Variants in ATAT1 observed in about 807,000 individuals in gnomAD.
ATAT1 encodes the protein alpha-tubulin N-acetyltransferase 1.
A neutral mutation model predicts 57.2 loss-of-function variants in ATAT1; 42 were observed. The observed-to-expected ratio is 0.73, with a 90% CI of 0.57 to 0.95. ATAT1 has a LOEUF of 0.95. ATAT1 is among the 40% of genes least tolerant of loss of function. The probability of loss-of-function intolerance (pLI) is 0.00; values close to 1 mark genes in which losing one functional copy is unlikely to be tolerated. For missense variants in ATAT1, 454 were observed against 523.7 expected (o/e 0.87, Z 1.30); for synonymous variants, 168 against 187.1 (o/e 0.90, Z 0.83).
At chr6:30,644,494 A>C in intron 10 of ATAT1, 1 of 984,500 alleles carries the variant, frequency 1.0e-6, no homozygotes, top group Non-Finnish European at 1.2e-6. Context: ...TCCCCTCCCT[A>C]CCCTCTGAAT....
rs774412226 is a variant in ATAT1, at chr6:30,628,069, G to T, written c.323G>T (p.Cys108Phe). 1 of 1,613,036 alleles carries T rather than the reference G, an allele frequency of 6.2e-7. No individual in the cohort carries two copies. The highest frequency in any genetic ancestry group is 1.1e-5 in the South Asian group (1 of 91,082). Reference sequence around the variant, plus strand: ...GCTCATAATGAGGTAGAACCACTTTGCATCCTGGACTTTTACATCCATGAG... The same window carrying T: ...GCTCATAATGAGGTAGAACCACTTTTCATCCTGGACTTTTACATCCATGAG... Residue 108 changes from cysteine to phenylalanine, a missense_variant, in exon 5 of 13, where the codon TGC (cysteine) becomes TTC (phenylalanine). Cys to Phe is a radical substitution (Grantham distance 205). This residue lies in a region of ATAT1 where 236 missense variants were observed against 284.5 expected (regional missense o/e 0.83). Transcript: ENST00000330083.
rs1766785763 is a variant in ATAT1, at chr6:30,646,625, C to T, written c.1212C>T (p.Arg404=). 1 of 1,566,760 alleles carries T rather than the reference C, an allele frequency of 6.4e-7. No individual in the cohort carries two copies. The highest frequency in any genetic ancestry group is 1.4e-5 in the African/African-American group (1 of 73,676). ...TCATTCGAAACCTGCAGGAACGTCGCAGCACCAGGCCTTGGTGACCGCAGC... is the reference window on the plus strand; with the variant it reads ...TCATTCGAAACCTGCAGGAACGTCGTAGCACCAGGCCTTGGTGACCGCAGC... The change falls in exon 13 of 13, where the codon CGC becomes CGT. Residue 404 remains arginine, a synonymous_variant. Coordinates refer to ENST00000330083, the MANE Select transcript of ATAT1 (RefSeq NM_001031722.4).
chr6:30,628,524 A>G lies in ATAT1; in HGVS notation c.501+94A>G, dbSNP rs540016617. On this transcript the variant is annotated intron_variant, in intron 6 of 12. Transcript: ENST00000330083. ...GAAGTAGTGACTTATTTCCTATCAC[A>G]TAGGTTTCATTTTCTACAACCAGGC... is the stretch of plus-strand genomic sequence containing the variant. 3.3e-4 allele frequency: 336 copies of G among 1,010,680 alleles called. 1 individual carries two copies. The highest frequency in any genetic ancestry group is 4.7e-4 in the Non-Finnish European group (314 of 675,166). The allele number at this position is 1,010,680 out of a possible 1,614,324, so 62.6% of individuals were successfully genotyped here. A position where few individuals can be genotyped will look rare whatever the true frequency, so the allele number is the denominator to read the frequency against.
intron 1 of ATAT1, 25 bp from the exon 2 acceptor site, chr6:30,627,435 C>T: frequency 6.2e-7 from 1 of 1,609,730 alleles, no homozygotes; most frequent in Non-Finnish European, 8.5e-7. Flanking sequence ...GAGTATCTGA[C>T]TCTTTATTTC....
chr6:30,639,066 C>T (rs529127230), intron 6 of ATAT1, among the ~76,000 whole-genome samples: 150 of 150,388 alleles, frequency 1.0e-3, no homozygotes, highest in East Asian at 3.2e-3. Flanking sequence ...CTGCAACCTC[C>T]GCCTCCTGGG....
intron 6 of ATAT1, among the ~76,000 whole-genome samples, chr6:30,638,550 G>A (rs966172335): frequency 7.3e-5 from 11 of 150,546 alleles, no homozygotes; most frequent in African/African-American, 2.7e-4. Flanking sequence ...GATTACAGGC[G>A]TGATCCACCA....
chr6:30,632,789 T>C (rs544068277), intron 6 of ATAT1, among the ~76,000 whole-genome samples: 4 of 151,452 alleles, frequency 2.6e-5, no homozygotes, highest in Non-Finnish European at 5.9e-5. Context: ...AAAAAAAAAT[T>C]AGCCAGGTGT....
chr6:30,629,904 T>C (rs758301602), intron 6 of ATAT1, among the ~76,000 whole-genome samples: 3 of 152,332 alleles, frequency 2.0e-5, no homozygotes, highest in Middle Eastern at 3.4e-3. Flanking sequence ...TGTTTTCACA[T>C]AGTTCATTAC....
chr6:30,631,623 A>C (rs1272494043), intron 6 of ATAT1, among the ~76,000 whole-genome samples: 1 of 151,396 alleles, frequency 6.6e-6, no homozygotes, highest in Non-Finnish European at 1.5e-5. Flanking sequence ...TACAAAAAAC[A>C]CAAAAATTAG....
rs374525292 is a variant in ATAT1, at chr6:30,642,252, G to C, written c.688+5G>C. On this transcript the variant is annotated splice_donor_5th_base_variant and intron_variant, in intron 9 of 12. Transcript: ENST00000330083. ...ACTCCTCTAGTGACCGAGAATGTAA[G>C]AGGGGCAAGGGTCGGGTGTCTGGGC... 2 of 1,614,044 alleles carry C rather than the reference G, an allele frequency of 1.2e-6. No individual in the cohort carries two copies. Among genetic ancestry groups the C allele is most frequent in the African/African-American group, 2.7e-5 (2 of 74,906 alleles).
chr6:30,641,106 T>TACACACACACACACACACAC (rs1262818896), intron 8 of ATAT1, among the ~76,000 whole-genome samples: 132 of 140,904 alleles, frequency 9.4e-4, no homozygotes, highest in East Asian at 2.7e-3. Context: ...CCCCATCCCA[T>TACACACACACACACACACAC]ATACACACAT....
At chr6:30,646,313 TGA>T (rs1766723728) in intron 12 of ATAT1, 154 bp from the exon 13 acceptor site, 1 of 1,448,280 alleles carries the variant, frequency 6.9e-7, no homozygotes, top group Non-Finnish European at 9.1e-7. Context: ...ACGGATTCTC[TGA>T]GAGGTTTTAA....
chr6:30,642,855 GCA>G lies in ATAT1; in HGVS notation c.777_778del (p.Ser259ArgfsTer40). On this transcript the variant is annotated frameshift_variant, in exon 10 of 13. Coordinates refer to ENST00000330083, the MANE Select transcript of ATAT1 (RefSeq NM_001031722.4). LOFTEE classifies it high-confidence loss of function. ...CCAGCCCACCCACCCCCCCGCTCCA[GCA>G]GCCTGGGAAACTCACCAGAACGAGG... The G allele has an allele frequency of 3.8e-6, 1 of 259,930 alleles. No homozygotes were observed. The highest frequency in any genetic ancestry group is 5.8e-6 in the Non-Finnish European group (1 of 173,650). The allele number at this position is 259,930 out of a possible 1,614,324, so 16.1% of individuals were successfully genotyped here.
Position 30,640,599 on chromosome 6 carries a change from C to T in ATAT1, c.612C>T (p.Pro204=), listed in dbSNP as rs376290114. Residue 204 remains proline (P), a synonymous_variant, in exon 8 of 13, where the codon CCC becomes CCT. Coordinates refer to ENST00000330083, the MANE Select transcript of ATAT1 (RefSeq NM_001031722.4). ...GTGCTGCTGCAGTCGATCCCACGCCCGCTGGTAAAGCCTGTATTGAAGGGG... is the reference window on the plus strand; with the variant it reads ...GTGCTGCTGCAGTCGATCCCACGCCTGCTGGTAAAGCCTGTATTGAAGGGG... The T allele has an allele frequency of 1.9e-5, 31 of 1,612,732 alleles. No homozygotes were observed. Among genetic ancestry groups the T allele is most frequent in the East Asian group, 4.5e-5 (2 of 44,884 alleles).
At chr6:30,643,753 T>G (rs1766048850) in intron 10 of ATAT1, 6 of 1,364,078 alleles carry the variant, frequency 4.4e-6, no homozygotes, top group Non-Finnish European at 5.7e-6. Flanking sequence ...TTGTAGCTTT[T>G]CTTAACACAA....
intron 6 of ATAT1, among the ~76,000 whole-genome samples, chr6:30,632,847 G>T (rs1231185197): frequency 6.6e-6 from 1 of 151,582 alleles, no homozygotes; most frequent in Non-Finnish European, 1.5e-5. Context: ...TGAGGCAGGG[G>T]AATTGCTTGA....
intron 6 of ATAT1, among the ~76,000 whole-genome samples, chr6:30,639,999 G>C (rs1765068189): frequency 6.6e-6 from 1 of 152,046 alleles, no homozygotes; most frequent in South Asian, 2.1e-4. Context: ...TTAGTAGCCA[G>C]ATGTGGTGGC....
intron 10 of ATAT1, chr6:30,643,869 G>A: frequency 2.8e-5 from 35 of 1,271,530 alleles, no homozygotes; most frequent in Non-Finnish European, 3.5e-5. Context: ...ATCTAGAGAA[G>A]CACACTCTTG....
chr6:30,646,661 A>G lies in ATAT1; in HGVS notation c.*18A>G. On this transcript the variant is annotated 3_prime_UTR_variant, in exon 13 of 13. Transcript: ENST00000330083. ...CTTGGTGACCGCAGCCCCGTCAAAC[A>G]TCTTCAAAGTATTATTTCTCCCTCA... The G allele has an allele frequency of 2.0e-6, 3 of 1,533,186 alleles. No homozygotes were observed. Among genetic ancestry groups the G allele is most frequent in the Non-Finnish European group, 2.6e-6 (3 of 1,135,872 alleles). 95.0% of individuals were successfully genotyped at this position (1,533,186 alleles called of 1,614,324 possible). A position where few individuals can be genotyped will look rare whatever the true frequency, so the allele number is the denominator to read the frequency against.
Sources: allele counts gnomAD v4.1 joint callset (sites outside exome capture counted in the v4.1 genomes callset), GRCh38; gene constraint gnomAD v4.1.1; regional missense constraint gnomAD v4.1.1; transcripts MANE v1.5; gene names NCBI Gene and HGNC (gene_info 2026-07-23, HGNC 2026-07-21).